GRIK4: variants seen among roughly 807,000 people sequenced by gnomAD.
GRIK4 encodes glutamate ionotropic receptor kainate type subunit 4, also known as glutamate receptor ionotropic, kainate 4.
A neutral mutation model predicts 104.9 loss-of-function variants in GRIK4; 40 were observed. That is an observed-to-expected ratio of 0.38 (90% CI 0.30 to 0.50). The LOEUF is 0.50. Among genes scored for constraint, GRIK4 ranks in the 20% least tolerant of loss-of-function variants. GRIK4 has a pLI of 0.93. For synonymous variants in GRIK4, 485 were observed against 524.9 expected (o/e 0.92, Z 1.04); for missense variants, 1,047 against 1,308.1 (o/e 0.80, Z 3.08).
At chr11:120,637,146 A>G (rs1949408355) in intron 1 of GRIK4, among the ~76,000 whole-genome samples, 1 of 150,922 alleles carries the variant, frequency 6.6e-6, no homozygotes, top group Non-Finnish European at 1.5e-5. Flanking sequence ...TGAGAGGGAG[A>G]GAGAGAGAGA....
intron 1 of GRIK4, among the ~76,000 whole-genome samples, chr11:120,526,665 T>A (rs1308371375): frequency 6.6e-6 from 1 of 152,076 alleles, no homozygotes; most frequent in East Asian, 1.9e-4. Flanking sequence ...AAACCCCATC[T>A]CCCCTAAAAA....
rs777879481 is a variant in GRIK4 at position 120,898,546 on chromosome 11, C to A, written c.1179C>A (p.His393Gln). The change falls in exon 12 of 21, where the codon CAC (histidine) becomes CAA (glutamine). Residue 393 changes from histidine (H) to glutamine (Q), a missense_variant. Transcript: ENST00000527524. ...GGTCTCCTCAGATCGGCCAGTGGCA[C>A]GTGGCAGAGGGCCTCAGCATGGACA... ...RNGFRQIGQW[H>Q]VAEGLSMDSH... 6.2e-7 allele frequency: 1 copy of A among 1,601,518 alleles called. No homozygotes were observed. Among genetic ancestry groups the A allele is most frequent in the Non-Finnish European group, 8.6e-7 (1 of 1,168,476 alleles).
chr11:120,757,730 C>T (rs767513911), intron 3 of GRIK4, among the ~76,000 whole-genome samples: 45 of 152,260 alleles, frequency 3.0e-4, no homozygotes, highest in Admixed American at 1.5e-3. Flanking sequence ...GATCAGGGGC[C>T]GTTACTAAGT....
At chr11:120,949,346 G>A (rs1380684882) in intron 14 of GRIK4, among the ~76,000 whole-genome samples, 1 of 152,202 alleles carries the variant, frequency 6.6e-6, no homozygotes, top group African/African-American at 2.4e-5. Flanking sequence ...CTGATGCACA[G>A]TCCAAATGTC....
chr11:120,676,432 C>G (rs1293630596), intron 3 of GRIK4, among the ~76,000 whole-genome samples: 1 of 152,202 alleles, frequency 6.6e-6, no homozygotes, highest in Non-Finnish European at 1.5e-5. Context: ...GTTTATTTAG[C>G]TCATAGTTCT....
intron 5 of GRIK4, among the ~76,000 whole-genome samples, chr11:120,817,516 C>T (rs1448139778): frequency 6.6e-6 from 1 of 150,756 alleles, no homozygotes; most frequent in Admixed American, 6.6e-5. Context: ...GGAGTTCTCA[C>T]CCAGGAGTCC....
At chr11:120,859,656 C>T (rs1954208010) in intron 8 of GRIK4, among the ~76,000 whole-genome samples, 1 of 152,264 alleles carries the variant, frequency 6.6e-6, no homozygotes, top group African/African-American at 2.4e-5. Flanking sequence ...GCCCCAGTCC[C>T]TGCACCCTTG....
At chr11:120,614,382 A>G (rs1949078358) in intron 1 of GRIK4, among the ~76,000 whole-genome samples, 2 of 152,226 alleles carry the variant, frequency 1.3e-5, no homozygotes, top group African/African-American at 2.4e-5. Context: ...GAGTATGGCC[A>G]CTAGCTAGGG....
At chr11:120,799,443 A>G (rs1016246848) in intron 3 of GRIK4, among the ~76,000 whole-genome samples, 2 of 152,192 alleles carry the variant, frequency 1.3e-5, no homozygotes, top group African/African-American at 4.8e-5. Flanking sequence ...AGTCCCTGGA[A>G]GCCTCATGCA....
intron 3 of GRIK4, among the ~76,000 whole-genome samples, chr11:120,744,615 G>A (rs887281616): frequency 6.6e-6 from 1 of 152,148 alleles, no homozygotes; most frequent in Non-Finnish European, 1.5e-5. Context: ...GGAGTAAAGA[G>A]GAAGCAGGAG....
chr11:120,661,200 G>A lies in GRIK4; in HGVS notation c.82+800G>A, dbSNP rs1949808386. ...AGCAACAGAGAACCCATGGAATTAG[G>A]ACAGATGTGGGGTGTCGGGGATCAG... On this transcript the variant is annotated intron_variant, in intron 3 of 20. Transcript: ENST00000527524. Among the ~76,000 whole-genome samples, 4 of 152,170 alleles carry A rather than the reference G, an allele frequency of 2.6e-5. No homozygotes were observed. In the South Asian group the frequency reaches 8.3e-4, roughly 32 times the overall value.
chr11:120,623,064 C>G (rs952048999), intron 1 of GRIK4, among the ~76,000 whole-genome samples: 1 of 152,220 alleles, frequency 6.6e-6, no homozygotes, highest in Non-Finnish European at 1.5e-5. Flanking sequence ...GTCAGTTCTC[C>G]TAACTATTCT....
chr11:120,591,434 TCTCGATCCAA>T (rs1195719279), intron 1 of GRIK4, among the ~76,000 whole-genome samples: 4 of 152,234 alleles, frequency 2.6e-5, no homozygotes, highest in Non-Finnish European at 5.9e-5. Context: ...ATGGCTGCCT[TCTCGATCCAA>T]CTCCATCCCA....
chr11:120,843,862 T>C (rs901305347), intron 8 of GRIK4, among the ~76,000 whole-genome samples: 1 of 152,142 alleles, frequency 6.6e-6, no homozygotes, highest in African/African-American at 2.4e-5. Context: ...CCCCATCAGG[T>C]TGGGGAGTTC....
chr11:120,917,385 TG>T (rs914471317), intron 13 of GRIK4, among the ~76,000 whole-genome samples: 2 of 151,820 alleles, frequency 1.3e-5, no homozygotes, highest in African/African-American at 4.8e-5. Flanking sequence ...GTCACTGTGC[TG>T]GGGTGTGGGG....
rs1263875534 is a variant in GRIK4, at chr11:120,864,385, T to C, written c.906+2265T>C. Among the ~76,000 whole-genome samples, 8 of 152,004 alleles carry C rather than the reference T, an allele frequency of 5.3e-5. No homozygotes were observed. In the East Asian group the frequency reaches 7.8e-4, roughly 15 times the overall value. On this transcript the variant is annotated intron_variant, in intron 9 of 20. Coordinates refer to ENST00000527524, the MANE Select transcript of GRIK4 (RefSeq NM_014619.5). ...CCTCCGGAGTAGCTGGGACTACAGG[T>C]GCCCGCCACCGTGCCTGGCTAATTT...
At chr11:120,597,735 G>A (rs561032455) in intron 1 of GRIK4, among the ~76,000 whole-genome samples, 94 of 152,248 alleles carry the variant, frequency 6.2e-4, no homozygotes, top group African/African-American at 2.2e-3. Flanking sequence ...TGCAGCATTC[G>A]AATTTTTCTC....
chr11:120,962,530 C>T lies in GRIK4; in HGVS notation c.2115C>T (p.Ser705=). 6.2e-7 allele frequency: 1 copy of T among 1,613,984 alleles called. No homozygotes were observed. Among genetic ancestry groups the T allele is most frequent in the Non-Finnish European group, 8.5e-7 (1 of 1,179,864 alleles). Residue 705 remains serine, a synonymous_variant, in exon 18 of 21, where the codon AGC becomes AGT. Transcript: ENST00000527524. ...AGCAGCCCAGCGTGTTCGTGAAGAG[C>T]ACAGAGGAGGGAATCGCCAGGGTGT... ...YSKQPSVFVK[S]TEEGIARVLN... is the part of the protein sequence containing the mutation.
chr11:120,894,299 A>G (rs1592051030), intron 11 of GRIK4: 1 of 152,228 alleles, frequency 6.6e-6, no homozygotes, highest in East Asian at 1.9e-4. Context: ...ACAGGCTCAG[A>G]GGGATTCGGT....
Sources: allele counts gnomAD v4.1 joint callset (sites outside exome capture counted in the v4.1 genomes callset), GRCh38; gene constraint gnomAD v4.1.1; transcripts MANE v1.5; gene names NCBI Gene and HGNC (gene_info 2026-07-23, HGNC 2026-07-21).